The following RELN variants were observed in gnomAD, a reference collection of about 807,000 sequenced individuals.
RELN encodes the protein reelin.
RELN carries 108 observed loss-of-function variants against 427.6 expected under a neutral mutation model. That is an observed-to-expected ratio of 0.25 (90% CI 0.22 to 0.30). RELN has a LOEUF of 0.30. Ranked by LOEUF, RELN falls within the 10% of genes least tolerant of loss-of-function variation. The pLI, the probability that RELN is intolerant of heterozygous loss-of-function variation, is 1.00. For missense variants in RELN, 3,715 were observed against 4,302.8 expected (o/e 0.86, Z 3.82); for synonymous variants, 1,524 against 1,513.4 (o/e 1.01, Z -0.16).
At chr7:103,510,495 G>A (rs1829371989) in intron 51 of RELN, among the ~76,000 whole-genome samples, 1 of 146,976 alleles carries the variant, frequency 6.8e-6, no homozygotes, top group Admixed American at 6.8e-5. Flanking sequence ...GTCGGGGAGT[G>A]GAGGAGGGAT....
intron 6 of RELN, among the ~76,000 whole-genome samples, chr7:103,740,362 C>G (rs1790610786): frequency 6.6e-6 from 1 of 152,258 alleles, no homozygotes; most frequent in African/African-American, 2.4e-5. Context: ...GTTGTTGACC[C>G]TGGAGAAAGA....
chr7:103,658,239 A>G (rs575316340), intron 12 of RELN, among the ~76,000 whole-genome samples: 1 of 152,264 alleles, frequency 6.6e-6, no homozygotes, highest in South Asian at 2.1e-4. Context: ...CAAGTTTTCC[A>G]GAAATATGCT....
chr7:103,699,617 T>C (rs992835951), intron 9 of RELN, among the ~76,000 whole-genome samples: 3 of 152,076 alleles, frequency 2.0e-5, no homozygotes, highest in Admixed American at 2.0e-4. Context: ...CAGTAAGAAA[T>C]ATGTACCATA....
chr7:103,651,860 A>G, intron 14 of RELN, 71 bp from the exon 15 acceptor site: 4 of 1,512,488 alleles, frequency 2.6e-6, no homozygotes, highest in Non-Finnish European at 2.7e-6. Flanking sequence ...GAAATTTTCA[A>G]CTCTGGTTAA....
chr7:103,716,590 T>C (rs1194106444), intron 8 of RELN, among the ~76,000 whole-genome samples: 2 of 152,196 alleles, frequency 1.3e-5, no homozygotes, highest in African/African-American at 4.8e-5. Context: ...AGAATGCAGA[T>C]AGTATTCAGC....
intron 29 of RELN, among the ~76,000 whole-genome samples, chr7:103,574,821 T>TA (rs936200647): frequency 2.0e-5 from 3 of 151,368 alleles, no homozygotes; most frequent in Non-Finnish European, 4.4e-5. Flanking sequence ...GGAAAAATAA[T>TA]AAAAAAAAAG....
intron 6 of RELN, among the ~76,000 whole-genome samples, chr7:103,739,118 T>C (rs754978540): frequency 1.3e-5 from 2 of 152,214 alleles, no homozygotes; most frequent in Non-Finnish European, 2.9e-5. Flanking sequence ...TCCATCCTCC[T>C]GTTGATGAAC....
chr7:103,769,525 G>A (rs1383648194), intron 4 of RELN, among the ~76,000 whole-genome samples: 2 of 151,984 alleles, frequency 1.3e-5, no homozygotes, highest in South Asian at 2.1e-4. Flanking sequence ...ATCAATTACC[G>A]AGTCTGTGGC....
At chr7:103,734,645 A>T (rs1290589554) in intron 6 of RELN, among the ~76,000 whole-genome samples, 1 of 152,108 alleles carries the variant, frequency 6.6e-6, no homozygotes, top group Non-Finnish European at 1.5e-5. Flanking sequence ...GTGAGAGGGG[A>T]CTTGAAATAT....
intron 10 of RELN, among the ~76,000 whole-genome samples, chr7:103,687,971 G>A (rs1273162706): frequency 1.3e-5 from 2 of 152,048 alleles, no homozygotes; most frequent in East Asian, 3.9e-4. Context: ...ATTGTGAAAA[G>A]CACACTACTT....
chr7:103,687,571 A>G (rs1833789284), intron 10 of RELN, among the ~76,000 whole-genome samples: 1 of 152,156 alleles, frequency 6.6e-6, no homozygotes, highest in Non-Finnish European at 1.5e-5. Flanking sequence ...TTTTTTCCCC[A>G]TCTTCATTCA....
chr7:103,527,884 T>G (rs1277166903), intron 46 of RELN, among the ~76,000 whole-genome samples: 1 of 152,118 alleles, frequency 6.6e-6, no homozygotes, highest in Non-Finnish European at 1.5e-5. Flanking sequence ...AGATACAACC[T>G]CACACCCATG....
intron 1 of RELN, among the ~76,000 whole-genome samples, chr7:103,951,021 C>G (rs1030184354): frequency 1.3e-5 from 2 of 152,160 alleles, no homozygotes; most frequent in Non-Finnish European, 2.9e-5. Context: ...CCTCCGCCTC[C>G]CTGGTTCAAG....
chr7:103,750,955 A>G (rs1211699070), intron 5 of RELN, among the ~76,000 whole-genome samples: 2 of 152,186 alleles, frequency 1.3e-5, no homozygotes, highest in Admixed American at 6.5e-5. Flanking sequence ...TGTAGAGTTC[A>G]TATTTCTGCT....
intron 23 of RELN, among the ~76,000 whole-genome samples, chr7:103,604,075 G>A (rs1446932302): frequency 6.6e-6 from 1 of 152,124 alleles, no homozygotes; most frequent in South Asian, 2.1e-4. Context: ...GGGAAACAAT[G>A]GCAAGGCTCT....
At position 103,989,019 on chromosome 7, in the gene RELN, G is replaced by A. The variant is rs1797162345; in HGVS notation, c.226+112C>T. 3.2e-6 allele frequency: 3 copies of A among 945,436 alleles called. No individual in the cohort carries two copies. The highest frequency in any genetic ancestry group is 3.1e-4 in the Middle Eastern group (1 of 3,190). The allele number at this position is 945,436 out of a possible 1,614,324, so 58.6% of individuals were successfully genotyped here. On this transcript the variant is annotated intron_variant, in intron 1 of 64. Transcript: ENST00000428762. The surrounding 1 kb of genome is among the most constrained non-coding windows in gnomAD (Gnocchi z 4.9). Reference sequence around the variant, plus strand: ...TGGACCAAGCGCATCGCTGGGGCCAGGGTTGTCATGGTTCTTGTTTCCAAG... The same window carrying A: ...TGGACCAAGCGCATCGCTGGGGCCAAGGTTGTCATGGTTCTTGTTTCCAAG...
intron 2 of RELN, among the ~76,000 whole-genome samples, chr7:103,889,582 G>C (rs899284696): frequency 6.6e-6 from 1 of 152,070 alleles, no homozygotes; most frequent in African/African-American, 2.4e-5. Context: ...GATGGAGTCA[G>C]AGCCACTCCT....
chr7:103,525,020 C>T (rs1562871528), intron 46 of RELN, among the ~76,000 whole-genome samples: 2 of 152,158 alleles, frequency 1.3e-5, no homozygotes, highest in Middle Eastern at 3.2e-3. Flanking sequence ...GGTCACTCGC[C>T]TCTGGAGCAC....
At chr7:103,971,164 A>AG (rs1048667524) in intron 1 of RELN, among the ~76,000 whole-genome samples, 1 of 152,008 alleles carries the variant, frequency 6.6e-6, no homozygotes, top group Non-Finnish European at 1.5e-5. Context: ...AAAAAAAAAA[A>AG]AAAAAGAAAA....
Sources: allele counts gnomAD v4.1 joint callset (sites outside exome capture counted in the v4.1 genomes callset), GRCh38; gene constraint gnomAD v4.1.1; non-coding constraint Gnocchi (gnomAD v3.1); transcripts MANE v1.5; gene names NCBI Gene and HGNC (gene_info 2026-07-23, HGNC 2026-07-21).